HDLBP: variants seen among roughly 807,000 people sequenced by gnomAD.
The protein encoded by HDLBP is vigilin.
A neutral mutation model predicts 137.3 loss-of-function variants in HDLBP; 30 were observed. That is an observed-to-expected ratio of 0.22 (90% CI 0.16 to 0.30). The LOEUF (loss-of-function observed/expected upper bound fraction) is 0.30. Among genes scored for constraint, HDLBP ranks in the 10% least tolerant of loss-of-function variants. The pLI, the probability that HDLBP is intolerant of heterozygous loss-of-function variation, is 1.00. For missense variants in HDLBP, 1,119 were observed against 1,667.3 expected (o/e 0.67, Z 5.73); for synonymous variants, 606 against 596.0 (o/e 1.02, Z -0.24).
intron 1 of HDLBP, among the ~76,000 whole-genome samples, chr2:241,277,525 TA>T (rs2074433263): frequency 6.6e-6 from 1 of 152,200 alleles, no homozygotes; most frequent in Non-Finnish European, 1.5e-5. Context: ...AAAAATCATG[TA>T]AGAATTCTAT....
chr2:241,289,647 A>G (rs2074943684), intron 1 of HDLBP, among the ~76,000 whole-genome samples: 1 of 152,248 alleles, frequency 6.6e-6, no homozygotes, highest in Admixed American at 6.5e-5. Context: ...TTAGAAAACA[A>G]GTATCACACC....
intron 1 of HDLBP, among the ~76,000 whole-genome samples, chr2:241,301,330 G>A (rs971229373): frequency 4.6e-5 from 7 of 151,770 alleles, no homozygotes; most frequent in African/African-American, 1.5e-4. Flanking sequence ...CCACCTAATC[G>A]TCTACTTATC....
intron 1 of HDLBP, among the ~76,000 whole-genome samples, chr2:241,297,811 GGGA>G (rs1293846366): frequency 6.6e-6 from 1 of 152,050 alleles, no homozygotes; most frequent in Non-Finnish European, 1.5e-5. Context: ...CCAGCACTTT[GGGA>G]GGCCAAGGCG....
intron 1 of HDLBP, among the ~76,000 whole-genome samples, chr2:241,312,188 G>A (rs552643085): frequency 7.9e-5 from 12 of 152,344 alleles, no homozygotes; most frequent in Admixed American, 3.3e-4. Context: ...AGTAGTAAGG[G>A]AGAGTATGTA....
intron 1 of HDLBP, among the ~76,000 whole-genome samples, chr2:241,308,259 G>A (rs1417511964): frequency 3.9e-5 from 6 of 152,110 alleles, no homozygotes; most frequent in East Asian, 1.9e-4. Context: ...CCAATCCGTC[G>A]TCCACCTTTC....
At chr2:241,290,810 C>T (rs905998044) in intron 1 of HDLBP, among the ~76,000 whole-genome samples, 5 of 152,112 alleles carry the variant, frequency 3.3e-5, no homozygotes, top group Admixed American at 6.5e-5. Flanking sequence ...GTCAGAGCGG[C>T]GGCCTAAGCA....
intron 1 of HDLBP, among the ~76,000 whole-genome samples, chr2:241,294,824 G>C (rs1203997891): frequency 6.6e-6 from 1 of 152,196 alleles, no homozygotes; most frequent in East Asian, 1.9e-4. Context: ...AAATAGGCCA[G>C]ACCCAGTGGC....
intron 12 of HDLBP, 148 bp downstream of exon 12, chr2:241,249,693 C>T (rs2071966305): frequency 2.8e-6 from 2 of 715,892 alleles, no homozygotes; most frequent in Non-Finnish European, 4.5e-6. Context: ...GGAAATGTGG[C>T]CCCAGGGAGT....
chr2:241,253,872 A>G (rs1464626133), intron 9 of HDLBP, among the ~76,000 whole-genome samples: 1 of 152,222 alleles, frequency 6.6e-6, no homozygotes, highest in Non-Finnish European at 1.5e-5. Context: ...AAACTCGTAT[A>G]GCTGTACCAA....
intron 1 of HDLBP, among the ~76,000 whole-genome samples, chr2:241,280,384 C>A (rs1336357088): frequency 6.6e-6 from 1 of 152,076 alleles, no homozygotes; most frequent in Non-Finnish European, 1.5e-5. Context: ...AACTCCCAGC[C>A]CTAAAATAAA....
chr2:241,258,942 C>T (rs1035919045), intron 5 of HDLBP, among the ~76,000 whole-genome samples: 2 of 152,148 alleles, frequency 1.3e-5, no homozygotes, highest in African/African-American at 4.8e-5. Context: ...ATGCAGCCAC[C>T]CTCTGACCCA....
At chr2:241,229,722 T>G (rs201002787) in intron 27 of HDLBP, 35 bp from the exon 28 acceptor site, 48 of 1,610,882 alleles carry the variant, frequency 3.0e-5, no homozygotes, top group Non-Finnish European at 3.9e-5. Flanking sequence ...CAGGAGGGGA[T>G]GCTCCCCAAC....
chr2:241,265,143 G>A (rs1486273789), intron 3 of HDLBP, among the ~76,000 whole-genome samples: 1 of 152,258 alleles, frequency 6.6e-6, no homozygotes, highest in Non-Finnish European at 1.5e-5. Context: ...TGGAGGCCGG[G>A]CGTGGTGGCT....
At position 241,229,828 on chromosome 2, in the gene HDLBP, C is replaced by T. The variant is rs757487118; in HGVS notation, c.3720+5G>A. 2 of 1,540,218 alleles carry T rather than the reference C, an allele frequency of 1.3e-6. No homozygotes were observed. The highest frequency in any genetic ancestry group is 3.8e-5 in the Admixed American group (2 of 52,832). On this transcript the variant is annotated splice_donor_5th_base_variant and intron_variant, in intron 27 of 27. Coordinates refer to ENST00000310931, the MANE Select transcript of HDLBP (RefSeq NM_005336.6). ...GACCCAGGAGGGCAGAAGCCCGCAT[C>T]TGACCTTCTCACTGCTGCTGGCGGT...
At position 241,239,583 on chromosome 2, in the gene HDLBP, C is replaced by A; in HGVS notation, c.2610+19G>T. ...CCACTGGGGGGTGAGAACCCCTCCC[C>A]GAGCACCCAAGTGCCTACCAGGTCC... On this transcript the variant is annotated intron_variant, in intron 19 of 27. Transcript: ENST00000310931. This position sits in a 1 kb window ranked among gnomAD's most constrained non-coding sequence, Gnocchi z 4.6. The A allele has an allele frequency of 1.2e-6, 2 of 1,606,956 alleles. No homozygotes were observed. The highest frequency in any genetic ancestry group is 1.1e-5 in the South Asian group (1 of 90,868).
chr2:241,288,556 A>G (rs1450313557), intron 1 of HDLBP, among the ~76,000 whole-genome samples: 1 of 152,168 alleles, frequency 6.6e-6, no homozygotes, highest in Non-Finnish European at 1.5e-5. Flanking sequence ...TTTAACTTAC[A>G]TGACTCCTTA....
chr2:241,240,168 G>A lies in HDLBP; in HGVS notation c.2170-46C>T. The A allele has an allele frequency of 6.3e-7, 1 of 1,575,220 alleles. No homozygotes were observed. Among genetic ancestry groups the A allele is most frequent in the African/African-American group, 1.3e-5 (1 of 74,214 alleles). Reference sequence around the variant, plus strand: ...GTGTTAGCCTGACACCACGTGCCTGGACCACAGTGAGGAAGACAAGAGGGT... The same window carrying A: ...GTGTTAGCCTGACACCACGTGCCTGAACCACAGTGAGGAAGACAAGAGGGT... On this transcript the variant is annotated intron_variant, in intron 17 of 27. Coordinates refer to ENST00000310931, the MANE Select transcript of HDLBP (RefSeq NM_005336.6). This position sits in a 1 kb window ranked among gnomAD's most constrained non-coding sequence, Gnocchi z 5.5.
intron 4 of HDLBP, among the ~76,000 whole-genome samples, chr2:241,263,812 C>T (rs988495776): frequency 6.6e-6 from 1 of 152,074 alleles, no homozygotes; most frequent in Non-Finnish European, 1.5e-5. Flanking sequence ...GAATAGAGAA[C>T]AGAAAACAGG....
chr2:241,273,404 C>T (rs887323865), intron 1 of HDLBP, among the ~76,000 whole-genome samples: 2 of 152,122 alleles, frequency 1.3e-5, no homozygotes, highest in African/African-American at 2.4e-5. Flanking sequence ...ACTTATGGCT[C>T]CATCTCTACA....
Sources: allele counts gnomAD v4.1 joint callset (sites outside exome capture counted in the v4.1 genomes callset), GRCh38; gene constraint gnomAD v4.1.1; non-coding constraint Gnocchi (gnomAD v3.1); transcripts MANE v1.5; gene names NCBI Gene and HGNC (gene_info 2026-07-23, HGNC 2026-07-21).